Variants in ZNF208 observed in about 807,000 individuals in gnomAD.
ZNF208 encodes the protein zinc finger protein 95.
ZNF208 carries 10 observed loss-of-function variants against 12.1 expected under a neutral mutation model. The observed-to-expected ratio is 0.83, with a 90% CI of 0.51 to 1.40. ZNF208 has a LOEUF of 1.40. Among genes scored for constraint, ZNF208 ranks in the 40% most tolerant of loss-of-function variants. The probability of loss-of-function intolerance (pLI) is 0.00; values close to 1 mark genes in which losing one functional copy is unlikely to be tolerated. For missense variants in ZNF208, 1,652 were observed against 1,485.0 expected (o/e 1.11, Z -1.85); for synonymous variants, 497 against 488.4 (o/e 1.02, Z -0.23).
At chr19:21,945,177 C>G (rs1286504431) in intron 4 of ZNF208, among the ~76,000 whole-genome samples, 1 of 152,162 alleles carries the variant, frequency 6.6e-6, no homozygotes, top group South Asian at 2.1e-4. Context: ...CACTTTCCAC[C>G]TCTTTATAAA....
chr19:21,999,626 C>CAA (rs1191924192), intron 1 of ZNF208, among the ~76,000 whole-genome samples: 1 of 151,878 alleles, frequency 6.6e-6, no homozygotes, highest in Non-Finnish European at 1.5e-5. Flanking sequence ...TTGAAATGAA[C>CAA]TTTACTCTGA....
chr19:21,961,889 C>T (rs1387916221), downstream of ZNF208, among the ~76,000 whole-genome samples: 1 of 152,044 alleles, frequency 6.6e-6, no homozygotes, highest in Non-Finnish European at 1.5e-5. Flanking sequence ...TTTCAAGGTG[C>T]ACTGATTTCA....
intron 4 of ZNF208, chr19:21,941,253 G>A: frequency 2.5e-6 from 1 of 399,126 alleles, no homozygotes; most frequent in East Asian, 3.6e-5. Context: ...AAAAATGAAA[G>A]TCAAAGAAAA....
chr19:21,957,569 T>C (rs1969996215), intron 4 of ZNF208, among the ~76,000 whole-genome samples: 1 of 152,208 alleles, frequency 6.6e-6, no homozygotes, highest in African/African-American at 2.4e-5. Flanking sequence ...AGAAACACTA[T>C]GCTCTTGGAA....
chr19:21,952,997 A>G (rs929883655), intron 4 of ZNF208, among the ~76,000 whole-genome samples: 2 of 152,202 alleles, frequency 1.3e-5, no homozygotes, highest in African/African-American at 4.8e-5. Flanking sequence ...GCTGAAAACC[A>G]TGGCATGAGA....
At chr19:21,965,377 TCA>T (rs1970145832), downstream of ZNF208, among the ~76,000 whole-genome samples, 1 of 152,022 alleles carries the variant, frequency 6.6e-6, no homozygotes, top group African/African-American at 2.4e-5. Context: ...CCTTTTCATT[TCA>T]CACAAACACA....
At chr19:21,959,205 T>A (rs1970024229) in intron 4 of ZNF208, among the ~76,000 whole-genome samples, 1 of 152,082 alleles carries the variant, frequency 6.6e-6, no homozygotes, top group Non-Finnish European at 1.5e-5. Context: ...AAGTAAAAAA[T>A]GACCATCAGA....
At chr19:21,953,077 T>C (rs776572700) in intron 4 of ZNF208, among the ~76,000 whole-genome samples, 3 of 151,954 alleles carry the variant, frequency 2.0e-5, no homozygotes, top group African/African-American at 7.3e-5. Flanking sequence ...TGATTGAAGA[T>C]CAAATTAATG....
At chr19:21,963,756 T>C (rs1041932805), downstream of ZNF208, among the ~76,000 whole-genome samples, 4 of 152,042 alleles carry the variant, frequency 2.6e-5, no homozygotes, top group African/African-American at 7.2e-5. Context: ...TACTCTAAAT[T>C]GAGAGACTAG....
At chr19:21,940,661 C>G (rs1015760912) in intron 4 of ZNF208, 4 of 152,434 alleles carry the variant, frequency 2.6e-5, no homozygotes, top group African/African-American at 9.7e-5. Context: ...CTGTCCTCCC[C>G]GCGGTGGCAG....
Position 21,971,695 on chromosome 19 carries a change from G to C in ZNF208, c.3339C>G (p.Tyr1113Ter). The C allele has an allele frequency of 1.2e-6, 2 of 1,613,852 alleles. No individual in the cohort carries two copies. The highest frequency in any genetic ancestry group is 4.5e-5 in the East Asian group (2 of 44,846). ...AGCTTTTGCCACATTCTTCACATTT[G>C]TAGGGTTTCTCTCCAGTATGAATTC... The part of the protein sequence containing the change: ...HKRIHTGEKP[Y>*]KCEECGKSFS... Residue 1113 changes from tyrosine to a stop codon, truncating the protein, a stop_gained, in exon 4 of 4, where the codon TAC becomes TAG. Coordinates refer to ENST00000397126, the MANE Select transcript of ZNF208 (RefSeq NM_007153.3). LOFTEE classifies it low-confidence loss of function (END_TRUNC).
chr19:21,982,235 G>A (rs1014305236), intron 3 of ZNF208, among the ~76,000 whole-genome samples: 13 of 151,808 alleles, frequency 8.6e-5, no homozygotes, highest in Admixed American at 8.5e-4. Context: ...GCAGGCGCCT[G>A]TAGTCCCAGC....
At chr19:21,952,853 C>A (rs996819908) in intron 4 of ZNF208, among the ~76,000 whole-genome samples, 15 of 151,978 alleles carry the variant, frequency 9.9e-5, no homozygotes, top group African/African-American at 3.6e-4. Flanking sequence ...TTCAGAAGGT[C>A]GGTAGTAACA....
chr19:22,008,318 A>AAAG (rs1971086057), intron 1 of ZNF208, among the ~76,000 whole-genome samples: 1 of 148,806 alleles, frequency 6.7e-6, no homozygotes, highest in African/African-American at 2.5e-5. Context: ...AAAAAAAAAG[A>AAAG]AAAAAAAAAC....
chr19:21,992,281 C>A (rs114939584), intron 1 of ZNF208, among the ~76,000 whole-genome samples: 545 of 152,050 alleles, frequency 3.6e-3, no homozygotes, highest in African/African-American at 0.013. Flanking sequence ...CCTGATGCAC[C>A]CAGAAGGACG....
At chr19:22,002,727 C>A (rs1970974203) in intron 1 of ZNF208, among the ~76,000 whole-genome samples, 1 of 152,248 alleles carries the variant, frequency 6.6e-6, no homozygotes, top group Admixed American at 6.5e-5. Flanking sequence ...CAACTTTATG[C>A]TCATGAATAA....
In ZNF208 at chr19:21,974,284, A is replaced by C. The variant is rs1325567523; in HGVS notation, c.750T>G (p.Ile250Met). 2 of 1,613,424 alleles carry C rather than the reference A, an allele frequency of 1.2e-6. No homozygotes were observed. Among genetic ancestry groups the C allele is most frequent in the East Asian group, 4.5e-5 (2 of 44,832 alleles). ...ATTTGTAGGATTTCTCTCCAGTATG[A>C]ATTACCTTATGTTTAGTAAGGATTG... ...KFSILTKHKV[I>M]HTGEKSYKCE... is the part of the protein sequence containing the mutation. The change falls in exon 4 of 4, where the codon ATT becomes ATG. Residue 250 changes from isoleucine (I) to methionine (M), a missense_variant. This residue lies in a region of ZNF208 where 410 missense variants were observed against 378.2 expected (regional missense o/e 1.08). Coordinates refer to ENST00000397126, the MANE Select transcript of ZNF208 (RefSeq NM_007153.3).
At chr19:21,989,476 C>T (rs1970690406) in intron 1 of ZNF208, among the ~76,000 whole-genome samples, 1 of 151,938 alleles carries the variant, frequency 6.6e-6, no homozygotes, top group Admixed American at 6.6e-5. Context: ...TTAATCCAGT[C>T]TGTCATTGTT....
downstream of ZNF208, among the ~76,000 whole-genome samples, chr19:21,961,162 TG>T (rs758237435): frequency 1.4e-4 from 21 of 152,320 alleles, no homozygotes; most frequent in Non-Finnish European, 2.6e-4. Flanking sequence ...AAGTGTCAGC[TG>T]GTCTGAGAAA....
Sources: gnomAD v4.1 joint callset for allele counts (sites outside exome capture counted in the v4.1 genomes callset) on GRCh38, gnomAD v4.1.1 for gene constraint, gnomAD v4.1.1 regional missense constraint, MANE v1.5 for transcripts, NCBI Gene and HGNC (gene_info 2026-07-23, HGNC 2026-07-21) for gene names.